Variants in NKAIN2 observed in about 807,000 individuals in gnomAD.
NKAIN2 encodes the protein sodium/potassium transporting ATPase interacting 2.
Under a neutral mutation model 32.6 loss-of-function variants are expected in NKAIN2, and 14 were observed. That is an observed-to-expected ratio of 0.43 (90% confidence interval 0.28 to 0.67). The LOEUF is 0.67. Among genes scored for constraint, NKAIN2 ranks in the 30% least tolerant of loss-of-function variants. NKAIN2 has a pLI of 0.17. For synonymous variants in NKAIN2, 80 were observed against 87.2 expected, an observed-to-expected ratio of 0.92 and a Z score of 0.46; for missense variants, 198 against 258.3, an observed-to-expected ratio of 0.77 and a Z score of 1.60.
chr6:124,272,228 C>T (rs1794827785), intron 1 of NKAIN2, among the ~76,000 whole-genome samples: 1 of 152,172 alleles, frequency 6.6e-6, no homozygotes, highest in Non-Finnish European at 1.5e-5. Flanking sequence ...GCAGCCCTCC[C>T]ATCACAGGCC....
At chr6:123,843,557 C>T (rs1458678019) in intron 1 of NKAIN2, among the ~76,000 whole-genome samples, 3 of 152,052 alleles carry the variant, frequency 2.0e-5, no homozygotes, top group African/African-American at 7.2e-5. Flanking sequence ...TTGGTCGGGA[C>T]AACAGGAATG....
At chr6:124,039,568 G>A (rs964562123) in intron 1 of NKAIN2, among the ~76,000 whole-genome samples, 7 of 151,570 alleles carry the variant, frequency 4.6e-5, no homozygotes, top group Non-Finnish European at 7.4e-5. Context: ...ATATTCAATC[G>A]TTTACTTATT....
intron 3 of NKAIN2, among the ~76,000 whole-genome samples, chr6:124,531,292 A>G (rs1044387693): frequency 6.6e-6 from 1 of 152,198 alleles, no homozygotes; most frequent in Admixed American, 6.5e-5. Flanking sequence ...GCCTCAAAAC[A>G]GACTTTTTTT....
intron 3 of NKAIN2, among the ~76,000 whole-genome samples, chr6:124,443,891 C>A (rs1366340613): frequency 6.6e-6 from 1 of 152,038 alleles, no homozygotes; most frequent in Non-Finnish European, 1.5e-5. Context: ...TAACTCTTAT[C>A]TATCCTTTCA....
intron 4 of NKAIN2, among the ~76,000 whole-genome samples, chr6:124,747,820 T>G (rs891345621): frequency 2.0e-5 from 3 of 151,726 alleles, no homozygotes; most frequent in African/African-American, 7.3e-5. Context: ...ATGTGCCTCA[T>G]TAAAATATGA....
At chr6:124,789,278 T>A (rs927604299) in intron 4 of NKAIN2, among the ~76,000 whole-genome samples, 3 of 152,086 alleles carry the variant, frequency 2.0e-5, no homozygotes, top group South Asian at 2.1e-4. Flanking sequence ...AGAATTTTTT[T>A]AAAACAGTTT....
chr6:124,564,677 C>T lies in NKAIN2; in HGVS notation c.274-93509C>T, dbSNP rs112861048. Reference sequence around the variant, plus strand: ...GAAGTCAGCAAGACCAAGAACCCACCGGAGGGAACCAATCCTGGACACAGA... The same window carrying T: ...GAAGTCAGCAAGACCAAGAACCCACTGGAGGGAACCAATCCTGGACACAGA... On this transcript the variant is annotated intron_variant, in intron 3 of 6. Transcript: ENST00000368417. Among the ~76,000 whole-genome samples, 557 of 152,282 alleles carry T rather than the reference C, an allele frequency of 3.7e-3. 1 individual carries two copies. The highest frequency in any genetic ancestry group is 0.013 in the African/African-American group (520 of 41,538).
chr6:124,135,929 T>C (rs1786760173), intron 1 of NKAIN2, among the ~76,000 whole-genome samples: 1 of 151,504 alleles, frequency 6.6e-6, no homozygotes, highest in Non-Finnish European at 1.5e-5. Flanking sequence ...TCAAAAAGTC[T>C]GAAAGAGCAC....
intron 1 of NKAIN2, among the ~76,000 whole-genome samples, chr6:124,015,207 T>C (rs1430189629): frequency 6.6e-6 from 1 of 152,046 alleles, no homozygotes; most frequent in Non-Finnish European, 1.5e-5. Flanking sequence ...AGGAAAGGGA[T>C]GCTTTCTCTT....
At chr6:124,491,096 AT>A (rs1216784282) in intron 3 of NKAIN2, among the ~76,000 whole-genome samples, 1 of 152,022 alleles carries the variant, frequency 6.6e-6, no homozygotes, top group East Asian at 1.9e-4. Context: ...AATAGATATC[AT>A]TTTTAAGAGA....
intron 1 of NKAIN2, among the ~76,000 whole-genome samples, chr6:124,013,612 A>C (rs1780435898): frequency 6.6e-6 from 1 of 152,216 alleles, no homozygotes; most frequent in East Asian, 1.9e-4. Context: ...ACTGGTCCGC[A>C]AAAGATGTCT....
intron 1 of NKAIN2, among the ~76,000 whole-genome samples, chr6:124,108,296 C>T (rs929573044): frequency 2.6e-5 from 4 of 151,994 alleles, no homozygotes; most frequent in South Asian, 4.1e-4. Flanking sequence ...TTCATATACA[C>T]GGTGTTCATG....
At chr6:123,946,940 T>G (rs576358871) in intron 1 of NKAIN2, among the ~76,000 whole-genome samples, 199 of 152,268 alleles carry the variant, frequency 1.3e-3, no homozygotes, top group Non-Finnish European at 2.6e-3. Flanking sequence ...AAACGATCAT[T>G]CAAGGACAAA....
At chr6:123,944,240 C>G (rs1480135441) in intron 1 of NKAIN2, among the ~76,000 whole-genome samples, 2 of 152,074 alleles carry the variant, frequency 1.3e-5, no homozygotes, top group Non-Finnish European at 2.9e-5. Flanking sequence ...TCCAGTTCTG[C>G]CATCCCAACC....
chr6:124,004,870 A>G (rs893871007), intron 1 of NKAIN2, among the ~76,000 whole-genome samples: 6 of 150,954 alleles, frequency 4.0e-5, no homozygotes, highest in African/African-American at 1.5e-4. Flanking sequence ...TTAAAAAAAA[A>G]AAAGTAATAA....
At chr6:124,802,453 G>T (rs1307261442) in intron 5 of NKAIN2, among the ~76,000 whole-genome samples, 1 of 152,158 alleles carries the variant, frequency 6.6e-6, no homozygotes, top group Non-Finnish European at 1.5e-5. Context: ...CATCCAAATG[G>T]CATGGCACAA....
chr6:124,139,079 A>ATTTTTTTTTTTTTT lies in NKAIN2; in HGVS notation c.55-143919_55-143906dup, dbSNP rs900247440. Reference sequence around the variant, plus strand: ...TCCCCAAAAACTTTTTTAAATAAAAATTTTTTTTTTTTTTTTTTTTGAGAC... The same window carrying ATTTTTTTTTTTTTT: ...TCCCCAAAAACTTTTTTAAATAAAAATTTTTTTTTTTTTTTTTTTTTTTTTTTTTTTTTTGAGAC... On this transcript the variant is annotated intron_variant, in intron 1 of 6. Coordinates refer to ENST00000368417, the MANE Select transcript of NKAIN2 (RefSeq NM_001040214.3). Among the ~76,000 whole-genome samples, 38 of 99,496 alleles carry ATTTTTTTTTTTTTT rather than the reference A, an allele frequency of 3.8e-4. 3 individuals are homozygous for ATTTTTTTTTTTTTT. The highest frequency in any genetic ancestry group is 1.2e-3 in the African/African-American group (28 of 23,584). 65.3% of individuals were successfully genotyped at this position (99,496 alleles called of 152,430 possible).
chr6:124,356,190 G>A (rs765834621), intron 3 of NKAIN2, among the ~76,000 whole-genome samples: 3 of 152,084 alleles, frequency 2.0e-5, no homozygotes, highest in Admixed American at 6.6e-5. Flanking sequence ...AGATACTCAC[G>A]TGCTTTAAAA....
At position 124,633,660 on chromosome 6, in the gene NKAIN2, G is replaced by C. The variant is rs1783658616; in HGVS notation, c.274-24526G>C. On this transcript the variant is annotated intron_variant, in intron 3 of 6. Coordinates refer to ENST00000368417, the MANE Select transcript of NKAIN2 (RefSeq NM_001040214.3). Reference sequence around the variant, plus strand: ...TTATTAGCATCTCTGGAAACAAACTGAACCAAGAGACATTTTAAACTGTGT... The same window carrying C: ...TTATTAGCATCTCTGGAAACAAACTCAACCAAGAGACATTTTAAACTGTGT... 2.6e-5 allele frequency among the ~76,000 whole-genome samples: 4 copies of C among 152,278 alleles called. No homozygotes were observed. In the South Asian group the frequency reaches 8.3e-4, roughly 32 times the overall value.
Sources: allele counts gnomAD v4.1 joint callset (sites outside exome capture counted in the v4.1 genomes callset), GRCh38; gene constraint gnomAD v4.1.1; transcripts MANE v1.5; gene names NCBI Gene and HGNC (gene_info 2026-07-23, HGNC 2026-07-21).